ADAMTS19: variants seen among roughly 807,000 people sequenced by gnomAD.
The protein encoded by ADAMTS19 is A disintegrin and metalloproteinase with thrombospondin motifs 19.
A neutral mutation model predicts 153.3 loss-of-function variants in ADAMTS19; 93 were observed. That is an observed-to-expected ratio of 0.61 (90% CI 0.51 to 0.72). ADAMTS19 has a LOEUF of 0.72. Ranked by LOEUF, ADAMTS19 falls within the 30% of genes least tolerant of loss-of-function variation. The pLI is 0.00. For synonymous variants in ADAMTS19, 600 were observed against 556.6 expected, an observed-to-expected ratio of 1.08 and a Z score of -1.10; for missense variants, 1,482 against 1,552.1, an observed-to-expected ratio of 0.95 and a Z score of 0.76.
chr5:129,537,049 T>A (rs1359681821), intron 6 of ADAMTS19, among the ~76,000 whole-genome samples: 1 of 150,148 alleles, frequency 6.7e-6, no homozygotes, highest in Non-Finnish European at 1.5e-5. Flanking sequence ...CCCTAAAACT[T>A]AAATTATAAT....
chr5:129,633,030 G>T (rs1332301198), intron 10 of ADAMTS19, among the ~76,000 whole-genome samples: 2 of 151,812 alleles, frequency 1.3e-5, no homozygotes, highest in Non-Finnish European at 1.5e-5. Flanking sequence ...TAATTTTTTT[G>T]ATATAATCTC....
chr5:129,595,294 T>C (rs919144461), intron 7 of ADAMTS19, among the ~76,000 whole-genome samples: 2 of 152,110 alleles, frequency 1.3e-5, no homozygotes, highest in African/African-American at 2.4e-5. Context: ...CTTGAGACTT[T>C]CTGGAGTTCC....
intron 8 of ADAMTS19, 65 bp from the exon 9 acceptor site, chr5:129,620,553 A>G: frequency 8.0e-7 from 1 of 1,243,718 alleles, no homozygotes. Context: ...AACTGCAGTT[A>G]TAAAAAGTTA....
At chr5:129,612,733 C>T (rs1751294195) in intron 8 of ADAMTS19, among the ~76,000 whole-genome samples, 1 of 152,104 alleles carries the variant, frequency 6.6e-6, no homozygotes, top group Non-Finnish European at 1.5e-5. Context: ...AATTAAAAGA[C>T]ACAGACTGGC....
intron 2 of ADAMTS19, among the ~76,000 whole-genome samples, chr5:129,495,742 A>G (rs555137591): frequency 1.3e-5 from 2 of 152,212 alleles, no homozygotes; most frequent in African/African-American, 4.8e-5. Context: ...TCTTCTGTTT[A>G]TAATTGTCTT....
intron 15 of ADAMTS19, among the ~76,000 whole-genome samples, chr5:129,662,482 C>G (rs1398586602): frequency 6.6e-6 from 1 of 152,296 alleles, no homozygotes; most frequent in Non-Finnish European, 1.5e-5. Context: ...CTAACCTGTC[C>G]TTTAAGCCAT....
chr5:129,570,989 G>A (rs868552298), intron 7 of ADAMTS19, among the ~76,000 whole-genome samples: 3 of 151,822 alleles, frequency 2.0e-5, no homozygotes, highest in Admixed American at 6.6e-5. Flanking sequence ...GTGAAAAAAC[G>A]AATGCTTTCT....
At chr5:129,473,781 G>GCACC (rs1173301622) in intron 2 of ADAMTS19, among the ~76,000 whole-genome samples, 1 of 151,990 alleles carries the variant, frequency 6.6e-6, no homozygotes, top group Non-Finnish European at 1.5e-5. Context: ...TTTTCCAGGT[G>GCACC]CACCCTAATT....
chr5:129,670,970 A>C (rs1228903838), intron 16 of ADAMTS19, among the ~76,000 whole-genome samples: 1 of 152,206 alleles, frequency 6.6e-6, no homozygotes, highest in Non-Finnish European at 1.5e-5. Flanking sequence ...CTAAGTGAGC[A>C]GGGTCTTTTA....
chr5:129,730,448 A>G (rs572200615), intron 21 of ADAMTS19, among the ~76,000 whole-genome samples: 1 of 152,310 alleles, frequency 6.6e-6, no homozygotes, highest in South Asian at 2.1e-4. Flanking sequence ...TGACATGCAC[A>G]TAAAATTCCA....
Position 129,519,155 on chromosome 5 carries a change from C to T in ADAMTS19, c.914-7129C>T, listed in dbSNP as rs151089239. 2.3e-3 allele frequency among the ~76,000 whole-genome samples: 352 copies of T among 152,236 alleles called. 4 individuals are homozygous for T. Among genetic ancestry groups the T allele is most frequent in the Non-Finnish European group, 5.1e-4 (35 of 68,026 alleles). On this transcript the variant is annotated intron_variant, in intron 3 of 22. Coordinates refer to ENST00000274487, the MANE Select transcript of ADAMTS19 (RefSeq NM_133638.6). ...TCCTCGATGTAGTACCTGGGTGTCA[C>T]TGCTGGTTATTCAGCGCTTTTCAGT...
chr5:129,549,886 ATATATACATATACAT>A (rs1265387062), intron 6 of ADAMTS19, among the ~76,000 whole-genome samples: 8 of 117,868 alleles, frequency 6.8e-5, no homozygotes, highest in African/African-American at 2.8e-4. Context: ...ATATGTATCT[ATATATACATATACAT>A]GTATCCGTAT....
chr5:129,561,547 A>G (rs1457005953), intron 7 of ADAMTS19, among the ~76,000 whole-genome samples: 1 of 152,002 alleles, frequency 6.6e-6, no homozygotes, highest in Non-Finnish European at 1.5e-5. Flanking sequence ...AAAAAAAAAA[A>G]AAAAGAAAAA....
chr5:129,681,475 G>A, intron 17 of ADAMTS19, among the ~76,000 whole-genome samples: 1 of 152,058 alleles, frequency 6.6e-6, no homozygotes, highest in Non-Finnish European at 1.5e-5. Context: ...ATCCAAAAGT[G>A]CTTTATGTTC....
intron 18 of ADAMTS19, among the ~76,000 whole-genome samples, chr5:129,692,086 T>A (rs1360428906): frequency 1.3e-5 from 2 of 152,224 alleles, no homozygotes; most frequent in Non-Finnish European, 2.9e-5. Context: ...AAGTTAAATT[T>A]TAGAACTAAC....
chr5:129,609,451 G>C (rs1751091482), intron 8 of ADAMTS19, among the ~76,000 whole-genome samples: 1 of 152,120 alleles, frequency 6.6e-6, no homozygotes, highest in African/African-American at 2.4e-5. Context: ...ACCTTAATGT[G>C]AAAAGGAGAT....
chr5:129,636,630 G>A (rs1752546503), intron 10 of ADAMTS19, among the ~76,000 whole-genome samples: 1 of 152,262 alleles, frequency 6.6e-6, no homozygotes, highest in Admixed American at 6.5e-5. Flanking sequence ...GAGTGGAGGA[G>A]GTGAAAGAGA....
intron 21 of ADAMTS19, among the ~76,000 whole-genome samples, chr5:129,711,245 T>C (rs898171662): frequency 6.6e-6 from 1 of 152,188 alleles, no homozygotes; most frequent in Non-Finnish European, 1.5e-5. Flanking sequence ...TAGAAAATGT[T>C]AAGTATCCAC....
chr5:129,591,227 C>T (rs1293144991), intron 7 of ADAMTS19, among the ~76,000 whole-genome samples: 1 of 152,044 alleles, frequency 6.6e-6, no homozygotes, highest in Non-Finnish European at 1.5e-5. Flanking sequence ...TATATTCTCC[C>T]ATAATATCTT....
Sources: allele counts gnomAD v4.1 joint callset (sites outside exome capture counted in the v4.1 genomes callset), GRCh38; gene constraint gnomAD v4.1.1; transcripts MANE v1.5; gene names NCBI Gene and HGNC (gene_info 2026-07-23, HGNC 2026-07-21).